Variants in WNT2B observed in about 807,000 individuals in gnomAD.
WNT2B encodes protein Wnt-2b.
WNT2B carries 19 observed loss-of-function variants against 40.5 expected under a neutral mutation model. The observed-to-expected ratio is 0.47, with a 90% CI of 0.33 to 0.69. WNT2B has a LOEUF of 0.69. WNT2B is among the 30% of genes least tolerant of loss of function. The pLI is 0.02. For synonymous variants in WNT2B, 220 were observed against 211.9 expected (o/e 1.04, Z -0.33); for missense variants, 467 against 556.4 (o/e 0.84, Z 1.62).
chr1:112,497,982 A>G (rs554526810), intron 1 of WNT2B, among the ~76,000 whole-genome samples: 139 of 151,654 alleles, frequency 9.2e-4, no homozygotes, highest in African/African-American at 3.0e-3. Flanking sequence ...GTATACATGT[A>G]CCATGGTGGT....
Position 112,520,878 on chromosome 1 carries a change from T to C in WNT2B, c.*369T>C, listed in dbSNP as rs1050844051. 2 of 220,450 alleles carry C rather than the reference T, an allele frequency of 9.1e-6. No homozygotes were observed. Among genetic ancestry groups the C allele is most frequent in the South Asian group, 1.1e-4 (1 of 9,306 alleles). The allele number at this position is 220,450 out of a possible 1,614,324, so 13.7% of individuals were successfully genotyped here. ...CTTGGTGTGCAAGAGGAAGGGTACCTGTAGAGAGCTTCTTTTTGTTTCTAC... is the reference window on the plus strand; with the variant it reads ...CTTGGTGTGCAAGAGGAAGGGTACCCGTAGAGAGCTTCTTTTTGTTTCTAC... On this transcript the variant is annotated 3_prime_UTR_variant, in exon 5 of 5. Transcript: ENST00000369684.
chr1:112,472,837 CCAGGAGTCCCAGCT>C (rs1650922963), intron 1 of WNT2B, among the ~76,000 whole-genome samples: 2 of 151,610 alleles, frequency 1.3e-5, no homozygotes, highest in Admixed American at 6.6e-5. Flanking sequence ...GTGGTGTGTG[CCAGGAGTCCCAGCT>C]ACTCAGGAGG....
exon 1 of WNT2B, chr1:112,467,404 G>T (rs1232403219): frequency 1.6e-6 from 1 of 641,362 alleles, no homozygotes; most frequent in Non-Finnish European, 2.9e-6. Context: ...CCCATCACTG[G>T]CATGGCCCCT....
intron 3 of WNT2B, 144 bp downstream of exon 3, chr1:112,516,561 A>G (rs1039174575): frequency 8.6e-7 from 1 of 1,164,856 alleles, no homozygotes; most frequent in East Asian, 2.6e-5. Flanking sequence ...GGACAGGAGA[A>G]CTAAATGCAA....
rs1652269096 is a variant in WNT2B at position 112,509,521 on chromosome 1, C to T, written c.182+77C>T. 2.1e-6 allele frequency: 3 copies of T among 1,462,204 alleles called. No individual in the cohort carries two copies. Among genetic ancestry groups the T allele is most frequent in the Non-Finnish European group, 1.8e-6 (2 of 1,112,428 alleles). The allele number at this position is 1,462,204 out of a possible 1,614,324, so 90.6% of individuals were successfully genotyped here. A position where few individuals can be genotyped will look rare whatever the true frequency, so the allele number is the denominator to read the frequency against. The stretch of plus-strand genomic sequence containing the variant: ...GAGGCGCCTGGAGGGACTGGCTGCT[C>T]ACGGGACCAGGCTGTTGCTTCGACG... On this transcript the variant is annotated intron_variant, in intron 1 of 4. Coordinates refer to ENST00000369684, the MANE Select transcript of WNT2B (RefSeq NM_024494.3). The surrounding 1 kb of genome is among the most constrained non-coding windows in gnomAD (Gnocchi z 4.2).
chr1:112,514,620 T>C, intron 1 of WNT2B: 1 of 553,778 alleles, frequency 1.8e-6, no homozygotes. Flanking sequence ...TGGGAGTGTA[T>C]GTCACTTTGG....
Position 112,509,210 on chromosome 1 carries a change from A to C in WNT2B, c.-53A>C. 2.8e-6 allele frequency: 4 copies of C among 1,451,764 alleles called. No individual in the cohort carries two copies. Among genetic ancestry groups the C allele is most frequent in the Non-Finnish European group, 3.6e-6 (4 of 1,113,452 alleles). The allele number at this position is 1,451,764 out of a possible 1,614,324, so 89.9% of individuals were successfully genotyped here. The stretch of plus-strand genomic sequence containing the variant: ...TAGGAGCAGCCTGAGTACCCCCAGA[A>C]GGTGCCCCGTCCACGCCCCTCCGGG... On this transcript the variant is annotated 5_prime_UTR_variant, in exon 1 of 5. Transcript: ENST00000369684. This position sits in a 1 kb window ranked among gnomAD's most constrained non-coding sequence, Gnocchi z 4.2.
rs548893747 is a variant in WNT2B, at chr1:112,522,012, T to C, written c.*1503T>C. Reference sequence around the variant, plus strand: ...TTCTCATCTGTAAAATGAGGATACGTACCTGTTCTTTTTTTTCTTTCTTTT... The same window carrying C: ...TTCTCATCTGTAAAATGAGGATACGCACCTGTTCTTTTTTTTCTTTCTTTT... On this transcript the variant is annotated 3_prime_UTR_variant, in exon 5 of 5. Transcript: ENST00000369684. The C allele has an allele frequency of 6.6e-6, 1 of 152,266 alleles. No individual in the cohort carries two copies. The highest frequency in any genetic ancestry group is 1.5e-5 in the Non-Finnish European group (1 of 68,028). The allele number at this position is 152,266 out of a possible 1,614,324, so 9.4% of individuals were successfully genotyped here.
chr1:112,481,718 A>G (rs1464513989), intron 1 of WNT2B, among the ~76,000 whole-genome samples: 2 of 152,188 alleles, frequency 1.3e-5, no homozygotes, highest in East Asian at 3.8e-4. Context: ...TCAACATAAA[A>G]AAATTAATCA....
chr1:112,509,291 C>T lies in WNT2B; in HGVS notation c.29C>T (p.Ala10Val), dbSNP rs1277594148. Residue 10 changes from alanine to valine, a missense_variant, in exon 1 of 5, where the codon GCT becomes GTT. This residue lies in a region of WNT2B where 137 missense variants were observed against 117.7 expected (regional missense o/e 1.16). Coordinates refer to ENST00000369684, the MANE Select transcript of WNT2B (RefSeq NM_024494.3). This position sits in a 1 kb window ranked among gnomAD's most constrained non-coding sequence, Gnocchi z 4.2. ...CTGAGACCGGGTGGTGCGGAGGAAG[C>T]TGCGCAGCTCCCGCTTCGGCGCGCC... MLRPGGAEE[A>V]AQLPLRRASA... 2 of 1,544,872 alleles carry T rather than the reference C, an allele frequency of 1.3e-6. No individual in the cohort carries two copies. The highest frequency in any genetic ancestry group is 2.0e-5 in the Admixed American group (1 of 50,830).
intron 1 of WNT2B, among the ~76,000 whole-genome samples, chr1:112,500,681 A>G (rs1274305086): frequency 2.6e-5 from 4 of 152,160 alleles, no homozygotes; most frequent in Non-Finnish European, 5.9e-5. Flanking sequence ...CTGAGGAGGG[A>G]AGATGGCTTG....
intron 1 of WNT2B, among the ~76,000 whole-genome samples, chr1:112,476,236 T>G (rs1651049581): frequency 6.6e-6 from 1 of 152,094 alleles, no homozygotes; most frequent in African/African-American, 2.4e-5. Context: ...GAAAATAATT[T>G]GAACTGAATG....
chr1:112,491,138 G>A (rs1651589679), intron 1 of WNT2B: 11 of 1,529,532 alleles, frequency 7.2e-6, no homozygotes, highest in South Asian at 2.3e-5. Flanking sequence ...TGGCCTGCAC[G>A]GTGGCTCGTG....
At position 112,484,306 on chromosome 1, in the gene WNT2B, TAGAG is replaced by T. The variant is rs1231648095; in HGVS notation, c.-95+16729_-95+16732del. Among the ~76,000 whole-genome samples the T allele has an allele frequency of 1.7e-3, 249 of 142,598 alleles. 1 individual carries two copies. Among genetic ancestry groups the T allele is most frequent in the African/African-American group, 6.4e-3 (240 of 37,706 alleles). 93.5% of individuals were successfully genotyped at this position (142,598 alleles called of 152,430 possible). On this transcript the variant is annotated intron_variant, in intron 1 of 4. Coordinates refer to the WNT2B transcript ENST00000256640. Reference sequence around the variant, plus strand: ...ATATATATATACACACACATATATATAGAGAGAGAGAGAGAGAAGAGGGTCTCAC... The same window carrying T: ...ATATATATATACACACACATATATATAGAGAGAGAGAGAAGAGGGTCTCAC...
At chr1:112,492,246 C>A (rs112040822) in intron 1 of WNT2B, among the ~76,000 whole-genome samples, 1 of 152,310 alleles carries the variant, frequency 6.6e-6, no homozygotes, top group Non-Finnish European at 1.5e-5. Context: ...CCTGAACAAA[C>A]TGAAAAATCA....
chr1:112,487,309 A>C (rs985196329), intron 1 of WNT2B, among the ~76,000 whole-genome samples: 3 of 152,230 alleles, frequency 2.0e-5, no homozygotes, highest in Admixed American at 6.5e-5. Context: ...AGCAAAGAGA[A>C]TAGAAATGTG....
In WNT2B at chr1:112,524,740, A is replaced by AC. The variant is rs1187647646; in HGVS notation, c.*4232dup. 1 of 152,184 alleles carries AC rather than the reference A, an allele frequency of 6.6e-6. No individual in the cohort carries two copies. Among genetic ancestry groups the AC allele is most frequent in the Non-Finnish European group, 1.5e-5 (1 of 68,048 alleles). The allele number at this position is 152,184 out of a possible 1,614,324, so 9.4% of individuals were successfully genotyped here. ...CTTTGCCCTCCCTGTCAGCCTGAGCACAACCATGAGGTTACACACACACAC... is the reference window on the plus strand; with the variant it reads ...CTTTGCCCTCCCTGTCAGCCTGAGCACCAACCATGAGGTTACACACACACAC... On this transcript the variant is annotated 3_prime_UTR_variant, in exon 5 of 5. Transcript: ENST00000369684.
chr1:112,467,557 T>C, exon 1 of WNT2B: 1 of 781,006 alleles, frequency 1.3e-6, no homozygotes, highest in Non-Finnish European at 2.4e-6. Flanking sequence ...GGCCTTGGAG[T>C]GGTAGCCATA....
chr1:112,484,682 C>T (rs1216933813), intron 1 of WNT2B, among the ~76,000 whole-genome samples: 2 of 150,668 alleles, frequency 1.3e-5, no homozygotes, highest in African/African-American at 4.9e-5. Flanking sequence ...GGGAGGATTG[C>T]TTGAGACCAG....
Sources: allele counts gnomAD v4.1 joint callset (sites outside exome capture counted in the v4.1 genomes callset), GRCh38; gene constraint gnomAD v4.1.1; regional missense constraint gnomAD v4.1.1; non-coding constraint Gnocchi (gnomAD v3.1); transcripts MANE v1.5; gene names NCBI Gene and HGNC (gene_info 2026-07-23, HGNC 2026-07-21).